Variants in NCALD observed in about 807,000 individuals in gnomAD.
The protein encoded by NCALD is neurocalcin delta, also known as neurocalcin-delta.
NCALD carries 10 observed loss-of-function variants against 18.6 expected under a neutral mutation model. The ratio of observed to expected loss-of-function variants is 0.54; its 90% CI spans 0.33 to 0.91. NCALD has a LOEUF of 0.91. Ranked by LOEUF, NCALD falls within the 40% of genes least tolerant of loss-of-function variation. The pLI is 0.03. For missense variants in NCALD, 184 were observed against 247.6 expected (o/e 0.74, Z 1.72); for synonymous variants, 88 against 87.4 (o/e 1.01, Z -0.04).
At chr8:101,972,271 T>C (rs1167937266) in intron 2 of NCALD, among the ~76,000 whole-genome samples, 1 of 152,174 alleles carries the variant, frequency 6.6e-6, no homozygotes, top group Admixed American at 6.5e-5. Flanking sequence ...GAGCCCAAGC[T>C]TTGTGGTCAG....
At chr8:101,900,252 T>A (rs568679547) in intron 3 of NCALD, among the ~76,000 whole-genome samples, 123 of 151,912 alleles carry the variant, frequency 8.1e-4, no homozygotes, top group Non-Finnish European at 1.2e-3. Flanking sequence ...TTCTTTTTTC[T>A]TTGTCAGTGT....
intron 2 of NCALD, among the ~76,000 whole-genome samples, chr8:101,700,677 T>C (rs1414150738): frequency 6.6e-6 from 1 of 152,168 alleles, no homozygotes; most frequent in Non-Finnish European, 1.5e-5. Context: ...CCTGAAGAAA[T>C]GAATGAAAGC....
At chr8:102,032,622 T>C (rs1381029562) in intron 1 of NCALD, among the ~76,000 whole-genome samples, 1 of 104,988 alleles carries the variant, frequency 9.5e-6, no homozygotes, top group African/African-American at 3.6e-5. Context: ...GAAAAACTGC[T>C]AAAAAAAAAA....
At chr8:101,859,663 A>G (rs988860521) in intron 4 of NCALD, among the ~76,000 whole-genome samples, 1 of 152,136 alleles carries the variant, frequency 6.6e-6, no homozygotes, top group Non-Finnish European at 1.5e-5. Context: ...AATTTAAGAA[A>G]TTTTCCTACA....
At chr8:101,857,295 G>A (rs982959864) in intron 4 of NCALD, among the ~76,000 whole-genome samples, 1 of 152,116 alleles carries the variant, frequency 6.6e-6, no homozygotes, top group Middle Eastern at 3.4e-3. Flanking sequence ...ACCTATTTGG[G>A]AGCACAATTT....
At chr8:102,111,635 A>G (rs941019702) in intron 1 of NCALD, among the ~76,000 whole-genome samples, 1 of 152,206 alleles carries the variant, frequency 6.6e-6, no homozygotes, top group African/African-American at 2.4e-5. Context: ...ACAACACGTT[A>G]AAGTCCATCT....
chr8:101,772,415 A>G (rs1383474347), intron 1 of NCALD, among the ~76,000 whole-genome samples: 1 of 152,176 alleles, frequency 6.6e-6, no homozygotes, highest in African/African-American at 2.4e-5. Context: ...TCCTAGTGGC[A>G]AACACACTTG....
chr8:101,937,103 C>T (rs1010718178), intron 2 of NCALD, among the ~76,000 whole-genome samples: 1 of 152,046 alleles, frequency 6.6e-6, no homozygotes, highest in East Asian at 1.9e-4. Flanking sequence ...ATTAAATGAT[C>T]CTAACCAAGA....
At chr8:101,921,950 A>ATT (rs56034254) in intron 2 of NCALD, among the ~76,000 whole-genome samples, 1,903 of 145,932 alleles carry the variant, frequency 0.013, 39 homozygotes, top group African/African-American at 0.042. Context: ...TGAAAAGTAC[A>ATT]TTTTTTTTTT....
intron 1 of NCALD, among the ~76,000 whole-genome samples, chr8:102,072,297 C>T (rs578125598): frequency 1.3e-5 from 2 of 152,160 alleles, no homozygotes; most frequent in Non-Finnish European, 2.9e-5. Context: ...GAATTTCCAG[C>T]TGGGGTGGAT....
At chr8:101,946,452 A>T (rs1819176850) in intron 2 of NCALD, among the ~76,000 whole-genome samples, 1 of 152,228 alleles carries the variant, frequency 6.6e-6, no homozygotes, top group African/African-American at 2.4e-5. Flanking sequence ...GAAAATGCAT[A>T]TTATTTTAAA....
At chr8:101,941,859 A>T (rs889675747) in intron 2 of NCALD, among the ~76,000 whole-genome samples, 2 of 152,248 alleles carry the variant, frequency 1.3e-5, no homozygotes, top group Non-Finnish European at 2.9e-5. Context: ...TCAAATTAGA[A>T]AAAGGTATAT....
intron 1 of NCALD, among the ~76,000 whole-genome samples, chr8:102,110,085 A>T (rs1342433702): frequency 6.6e-6 from 1 of 152,196 alleles, no homozygotes; most frequent in East Asian, 1.9e-4. Flanking sequence ...CTCCTTGTGG[A>T]GAAAGGTAGG....
At chr8:101,928,400 G>T (rs913008665) in intron 2 of NCALD, among the ~76,000 whole-genome samples, 1 of 151,770 alleles carries the variant, frequency 6.6e-6, no homozygotes, top group Non-Finnish European at 1.5e-5. Context: ...TAAGCCTCTT[G>T]GACCACAGAG....
At chr8:102,059,570 GT>G (rs1823768947) in intron 1 of NCALD, among the ~76,000 whole-genome samples, 1 of 152,126 alleles carries the variant, frequency 6.6e-6, no homozygotes, top group Non-Finnish European at 1.5e-5. Flanking sequence ...AAAACCATTA[GT>G]AAAATATCAA....
At chr8:101,723,367 C>A (rs1238126648) in intron 1 of NCALD, among the ~76,000 whole-genome samples, 2 of 152,032 alleles carry the variant, frequency 1.3e-5, no homozygotes, top group Non-Finnish European at 2.9e-5. Context: ...AAATTATGAA[C>A]ACATATTTTC....
At chr8:101,909,349 G>C (rs564965088) in intron 3 of NCALD, among the ~76,000 whole-genome samples, 45 of 152,266 alleles carry the variant, frequency 3.0e-4, no homozygotes, top group African/African-American at 9.9e-4. Context: ...TATCCACCCT[G>C]TGCAGGTACA....
chr8:101,768,126 A>G (rs1476014007), intron 1 of NCALD, among the ~76,000 whole-genome samples: 2 of 152,188 alleles, frequency 1.3e-5, no homozygotes, highest in African/African-American at 2.4e-5. Flanking sequence ...TTCAATCTAG[A>G]GCCCTGTTAC....
rs142361846 is a variant in NCALD at position 102,039,785 on chromosome 8, C to T, written c.-209-19496G>A. On this transcript the variant is annotated intron_variant, in intron 1 of 6. Coordinates refer to the NCALD transcript ENST00000311028. ...GGGAGTGTTTGGAAAGGGGGTAGAT[C>T]CCTCATTAATAGATTAATGCTCCCC... 3.0e-3 allele frequency among the ~76,000 whole-genome samples: 460 copies of T among 152,134 alleles called. 4 individuals are homozygous for T. Among genetic ancestry groups the T allele is most frequent in the Admixed American group, 6.2e-3 (94 of 15,266 alleles).
Sources: gnomAD v4.1 joint callset for allele counts (sites outside exome capture counted in the v4.1 genomes callset) on GRCh38, gnomAD v4.1.1 for gene constraint, MANE v1.5 for transcripts, NCBI Gene and HGNC (gene_info 2026-07-23, HGNC 2026-07-21) for gene names.